APBB2: variants seen among roughly 807,000 people sequenced by gnomAD.
APBB2 encodes the protein amyloid beta precursor protein binding family B member 2.
Under a neutral mutation model 82.5 loss-of-function variants are expected in APBB2, and 38 were observed. The ratio of observed to expected loss-of-function variants is 0.46; its 90% CI spans 0.36 to 0.60. The LOEUF (loss-of-function observed/expected upper bound fraction) is 0.60, where lower values mean the gene tolerates loss of function less well. Ranked by LOEUF, APBB2 falls within the 20% of genes least tolerant of loss-of-function variation. APBB2 has a pLI of 0.00. For synonymous variants in APBB2, 341 were observed against 368.2 expected (o/e 0.93, Z 0.85); for missense variants, 772 against 972.3 (o/e 0.79, Z 2.74).
At chr4:40,869,427 T>A (rs1488316428) in intron 12 of APBB2, among the ~76,000 whole-genome samples, 1 of 151,750 alleles carries the variant, frequency 6.6e-6, no homozygotes, top group Admixed American at 6.6e-5. Flanking sequence ...CAATATGATT[T>A]TTTTTTTTTA....
chr4:40,961,526 G>A (rs1401235544), intron 6 of APBB2, among the ~76,000 whole-genome samples: 1 of 149,300 alleles, frequency 6.7e-6, no homozygotes, highest in Non-Finnish European at 1.5e-5. Context: ...GATAGCATTG[G>A]GAGATATACC....
chr4:40,848,379 G>A (rs566363002), intron 12 of APBB2, among the ~76,000 whole-genome samples: 3 of 152,162 alleles, frequency 2.0e-5, no homozygotes, highest in Admixed American at 6.5e-5. Flanking sequence ...AAGTTGACTT[G>A]CTCCAAAGCC....
chr4:40,830,306 G>A (rs1378244720), intron 13 of APBB2, among the ~76,000 whole-genome samples, 157 bp downstream of exon 13: 3 of 152,044 alleles, frequency 2.0e-5, no homozygotes, highest in African/African-American at 4.8e-5. Flanking sequence ...TGCCTGGCCC[G>A]CAGCAAGAAT....
intron 10 of APBB2, among the ~76,000 whole-genome samples, chr4:40,929,418 G>A (rs1783517030): frequency 6.6e-6 from 1 of 152,122 alleles, no homozygotes; most frequent in Non-Finnish European, 1.5e-5. Flanking sequence ...TCCTGCCTCA[G>A]CCTCCCAAGT....
chr4:41,137,094 T>C (rs1434448750), intron 2 of APBB2, among the ~76,000 whole-genome samples: 1 of 152,238 alleles, frequency 6.6e-6, no homozygotes, highest in Non-Finnish European at 1.5e-5. Flanking sequence ...TTTTATACTA[T>C]GAAAAATGTC....
intron 2 of APBB2, among the ~76,000 whole-genome samples, chr4:41,107,260 G>C (rs1170986229): frequency 2.0e-5 from 3 of 152,118 alleles, no homozygotes; most frequent in African/African-American, 7.2e-5. Flanking sequence ...ACAGTGAGCT[G>C]AGATCACACC....
At chr4:41,124,612 C>A (rs1049928363) in intron 2 of APBB2, among the ~76,000 whole-genome samples, 1 of 152,138 alleles carries the variant, frequency 6.6e-6, no homozygotes, top group East Asian at 1.9e-4. Flanking sequence ...GTTTGCTGAT[C>A]TCTGGTTTAA....
intron 1 of APBB2, among the ~76,000 whole-genome samples, chr4:41,208,910 C>T (rs187909365): frequency 1.1e-4 from 16 of 152,200 alleles, no homozygotes; most frequent in Admixed American, 3.3e-4. Context: ...AATAAATATA[C>T]GTCCATTACA....
chr4:41,088,387 G>A (rs1740565316), intron 3 of APBB2, among the ~76,000 whole-genome samples: 1 of 152,206 alleles, frequency 6.6e-6, no homozygotes, highest in African/African-American at 2.4e-5. Flanking sequence ...GAACTTCCTA[G>A]GATTATATGG....
rs146889854 is a variant in APBB2, at chr4:40,880,144, A to G, written c.1529+10220T>C. The G allele has an allele frequency of 4.8e-4, 473 of 985,424 alleles. 1 individual carries two copies. In the African/African-American group the frequency reaches 7.7e-3, roughly 16 times the overall value. 61.0% of individuals were successfully genotyped at this position (985,424 alleles called of 1,614,324 possible). ...TGCGGATGGAGACAGTGGCACACAG[A>G]GCGCCCCTAACATCAGTGCAAAGGA... On this transcript the variant is annotated intron_variant, in intron 12 of 17. Transcript: ENST00000508593.
intron 6 of APBB2, among the ~76,000 whole-genome samples, chr4:41,006,397 G>T (rs1273106509): frequency 2.0e-5 from 3 of 152,212 alleles, no homozygotes; most frequent in Non-Finnish European, 2.9e-5. Context: ...GTCCTTAAAA[G>T]ATTAAAATTA....
intron 6 of APBB2, among the ~76,000 whole-genome samples, chr4:40,971,754 C>T (rs963219691): frequency 1.3e-5 from 2 of 152,118 alleles, no homozygotes; most frequent in South Asian, 2.1e-4. Flanking sequence ...TCTTTTGACA[C>T]CTTTTGAGTC....
chr4:41,063,739 T>C (rs1730646471), intron 4 of APBB2, among the ~76,000 whole-genome samples: 1 of 152,086 alleles, frequency 6.6e-6, no homozygotes, highest in South Asian at 2.1e-4. Flanking sequence ...AATGCAGTGG[T>C]GCAATCTCAG....
At chr4:40,995,884 G>A (rs1473663881) in intron 6 of APBB2, among the ~76,000 whole-genome samples, 1 of 152,092 alleles carries the variant, frequency 6.6e-6, no homozygotes, top group Non-Finnish European at 1.5e-5. Flanking sequence ...TGCCCAGGCT[G>A]GTGTTGAACT....
At chr4:41,081,825 T>C (rs10030811) in intron 3 of APBB2, among the ~76,000 whole-genome samples, 217 of 152,348 alleles carry the variant, frequency 1.4e-3, no homozygotes, top group Middle Eastern at 6.8e-3. Flanking sequence ...GCATTGATCA[T>C]AGAATATCAA....
At chr4:41,011,181 T>A (rs78734472) in intron 6 of APBB2, among the ~76,000 whole-genome samples, 9,268 of 151,920 alleles carry the variant, frequency 0.061, 939 homozygotes, top group African/African-American at 0.21. Context: ...AATTTAATTT[T>A]ATTTTTAAAT....
At position 40,830,512 on chromosome 4, in the gene APBB2, T is replaced by C; in HGVS notation, c.1595A>G (p.Asp532Gly). 2.5e-6 allele frequency: 4 copies of C among 1,614,160 alleles called. No individual in the cohort carries two copies. The highest frequency in any genetic ancestry group is 3.4e-6 in the Non-Finnish European group (4 of 1,180,018). Residue 532 changes from aspartate to glycine, a missense_variant, in exon 13 of 18, where the codon GAC becomes GGC. Transcript: ENST00000508593. ...TGTGGCAATGGCTTTTGCTGGTGTG[T>C]CACATCGAAATACATGACATTTCAA... Reference protein sequence around the residue: ...RILKCHVFRCDTPAKAIATSL... With the variant: ...RILKCHVFRCGTPAKAIATSL...
intron 1 of APBB2, among the ~76,000 whole-genome samples, chr4:41,163,592 C>A (rs111814480): frequency 6.6e-6 from 1 of 152,160 alleles, no homozygotes; most frequent in Admixed American, 6.5e-5. Flanking sequence ...CCTTTCAGAT[C>A]ATAAACAAGC....
At chr4:40,910,589 T>C (rs1443209976) in intron 10 of APBB2, among the ~76,000 whole-genome samples, 2 of 152,190 alleles carry the variant, frequency 1.3e-5, no homozygotes, top group African/African-American at 4.8e-5. Flanking sequence ...AGCTGTTCTA[T>C]TAGCAGAAAT....
Sources: gnomAD v4.1 joint callset for allele counts (sites outside exome capture counted in the v4.1 genomes callset) on GRCh38, gnomAD v4.1.1 for gene constraint, MANE v1.5 for transcripts, NCBI Gene and HGNC (gene_info 2026-07-23, HGNC 2026-07-21) for gene names.